Variants in AFF2 observed in about 807,000 individuals in gnomAD.
AFF2 encodes the protein AF4/FMR2 family member 2.
In AFF2, 14 loss-of-function variants were observed where a neutral mutation model predicts 76.9. That is an observed-to-expected ratio of 0.18 (90% CI 0.12 to 0.28). The LOEUF is 0.28. Among genes scored for constraint, AFF2 ranks in the 10% least tolerant of loss-of-function variants. AFF2 has a pLI of 1.00. For missense variants in AFF2, 868 were observed against 1,001.1 expected, an observed-to-expected ratio of 0.87 and a Z score of 1.79; for synonymous variants, 398 against 366.7, an observed-to-expected ratio of 1.09 and a Z score of -0.98.
At chrX:148,564,467 T>TG (rs1203246675) in intron 1 of AFF2, among the ~76,000 whole-genome samples, 1 of 84,442 alleles carries the variant, frequency 1.2e-5, no homozygotes, top group African/African-American at 4.1e-5. Context: ...CCTCTTGATT[T>TG]GAAAAAAAAA....
intron 7 of AFF2, among the ~76,000 whole-genome samples, chrX:148,867,239 T>C (rs1243839836): frequency 1.8e-5 from 2 of 112,387 alleles, no homozygotes; most frequent in East Asian, 2.8e-4. Context: ...GCTGAACGCA[T>C]TCCCGTCATT....
intron 3 of AFF2, among the ~76,000 whole-genome samples, chrX:148,672,217 TTAAC>T (rs2054432833): frequency 8.9e-6 from 1 of 112,447 alleles, no homozygotes; most frequent in Non-Finnish European, 1.9e-5. Context: ...TAATCTCTAA[TTAAC>T]CATCATTTTA....
At chrX:148,793,751 A>T (rs2069931533) in intron 3 of AFF2, among the ~76,000 whole-genome samples, 1 of 111,861 alleles carries the variant, frequency 8.9e-6, no homozygotes, top group South Asian at 3.8e-4. Context: ...TCACATGGTT[A>T]TGTGACCTTG....
chrX:148,607,728 TTAGTTTA>T (rs1175866003), intron 1 of AFF2, among the ~76,000 whole-genome samples: 1 of 112,092 alleles, frequency 8.9e-6, no homozygotes, highest in Admixed American at 9.4e-5. Context: ...TTTGTATCAA[TTAGTTTA>T]TGACAAGGAA....
At chrX:148,839,296 A>G (rs782456599) in intron 5 of AFF2, among the ~76,000 whole-genome samples, 1 of 110,327 alleles carries the variant, frequency 9.1e-6, no homozygotes, top group South Asian at 3.7e-4. Flanking sequence ...CTACACACCC[A>G]CTCCTGTCTC....
At chrX:148,638,381 G>A (rs2054053574) in intron 1 of AFF2, among the ~76,000 whole-genome samples, 1 of 110,523 alleles carries the variant, frequency 9.0e-6, no homozygotes, top group South Asian at 3.9e-4. Context: ...CAGGGGAACT[G>A]CCACACTTGA....
intron 1 of AFF2, among the ~76,000 whole-genome samples, chrX:148,538,779 G>C (rs190394444): frequency 1.1e-4 from 12 of 111,902 alleles, no homozygotes; most frequent in Admixed American, 1.0e-3. Context: ...TGAGAAAACT[G>C]AGGGCTCAGA....
chrX:148,539,695 G>A (rs2052831012), intron 1 of AFF2, among the ~76,000 whole-genome samples: 1 of 109,461 alleles, frequency 9.1e-6, no homozygotes, highest in Admixed American at 9.8e-5. Flanking sequence ...CATTGAACTA[G>A]CTCCTTCCTG....
At chrX:148,629,182 A>C (rs1441457490) in intron 1 of AFF2, among the ~76,000 whole-genome samples, 2 of 109,968 alleles carry the variant, frequency 1.8e-5, no homozygotes, top group Non-Finnish European at 3.8e-5. Flanking sequence ...TAATCTCTCT[A>C]TGTCTCAGTT....
At chrX:148,541,391 G>T (rs1439980935) in intron 1 of AFF2, among the ~76,000 whole-genome samples, 1 of 111,793 alleles carries the variant, frequency 8.9e-6, no homozygotes, top group Non-Finnish European at 1.9e-5. Context: ...GTATTAAACT[G>T]GTTTTATTGT....
At chrX:148,729,760 G>A (rs1165186482) in intron 3 of AFF2, among the ~76,000 whole-genome samples, 4 of 112,073 alleles carry the variant, frequency 3.6e-5, no homozygotes, top group Non-Finnish European at 5.6e-5. Flanking sequence ...TCGCTAATTC[G>A]GGGAGTTGGG....
chrX:148,846,070 C>G (rs1230528025), intron 7 of AFF2, among the ~76,000 whole-genome samples: 1 of 112,103 alleles, frequency 8.9e-6, no homozygotes, highest in East Asian at 2.8e-4. Flanking sequence ...TGCAACTAGC[C>G]AGTCTCCCTC....
intron 3 of AFF2, among the ~76,000 whole-genome samples, chrX:148,713,008 C>T (rs1557263045): frequency 9.0e-6 from 1 of 111,247 alleles, no homozygotes. Context: ...TTAGGAGAGG[C>T]CTAACGGATG....
chrX:148,597,325 C>A (rs1304978088), intron 1 of AFF2, among the ~76,000 whole-genome samples: 1 of 111,053 alleles, frequency 9.0e-6, no homozygotes, highest in African/African-American at 3.3e-5. Flanking sequence ...AGCTGGACAG[C>A]GATTTCCTTT....
chrX:148,666,238 G>T (rs1459543593), intron 3 of AFF2, among the ~76,000 whole-genome samples: 1 of 111,824 alleles, frequency 8.9e-6, no homozygotes, highest in Non-Finnish European at 1.9e-5. Context: ...CAACTTTATT[G>T]CAAAAGGTCA....
chrX:148,978,756 A>C (rs187528979), intron 18 of AFF2, among the ~76,000 whole-genome samples: 2 of 111,607 alleles, frequency 1.8e-5, no homozygotes, highest in Non-Finnish European at 3.8e-5. Flanking sequence ...TGAGGTGGGC[A>C]CAGCTTGTGG....
At chrX:148,699,586 C>A (rs1203782635) in intron 3 of AFF2, among the ~76,000 whole-genome samples, 2 of 111,262 alleles carry the variant, frequency 1.8e-5, no homozygotes, top group Admixed American at 1.9e-4. Flanking sequence ...TAGGGAAAGT[C>A]ATGACTCTTG....
intron 20 of AFF2, among the ~76,000 whole-genome samples, chrX:148,988,723 G>A (rs1481948403): frequency 8.9e-6 from 1 of 111,859 alleles, no homozygotes; most frequent in Non-Finnish European, 1.9e-5. Flanking sequence ...CATAATTTGA[G>A]ACCTCACCCC....
intron 7 of AFF2, among the ~76,000 whole-genome samples, chrX:148,880,867 G>A (rs181066344): frequency 1.3e-4 from 14 of 111,772 alleles, no homozygotes; most frequent in African/African-American, 4.5e-4. Context: ...AGGAAAGCAC[G>A]TGGCAACTCC....
Sources: gnomAD v4.1 joint callset for allele counts (sites outside exome capture counted in the v4.1 genomes callset) on GRCh38, gnomAD v4.1.1 for gene constraint, MANE v1.5 for transcripts, NCBI Gene and HGNC (gene_info 2026-07-23, HGNC 2026-07-21) for gene names.